Variants in PRUNE2 observed in about 807,000 individuals in gnomAD.
The protein encoded by PRUNE2 is protein prune homolog 2.
A neutral mutation model predicts 252.0 loss-of-function variants in PRUNE2; 164 were observed. The ratio of observed to expected loss-of-function variants is 0.65; its 90% CI spans 0.57 to 0.74. The LOEUF is 0.74. PRUNE2 is among the 30% of genes least tolerant of loss of function. The probability of loss-of-function intolerance (pLI) is 0.00; values close to 1 mark genes in which losing one functional copy is unlikely to be tolerated. For synonymous variants in PRUNE2, 1,292 were observed against 1,350.2 expected, an observed-to-expected ratio of 0.96 and a Z score of 0.94; for missense variants, 3,495 against 3,711.0, an observed-to-expected ratio of 0.94 and a Z score of 1.51.
intron 1 of PRUNE2, among the ~76,000 whole-genome samples, chr9:76,901,764 C>T (rs2063188027): frequency 1.3e-5 from 2 of 152,178 alleles, no homozygotes; most frequent in African/African-American, 4.8e-5. Context: ...CTGTAGAAGT[C>T]CACATATCAA....
At chr9:76,783,420 A>T (rs575733130) in intron 6 of PRUNE2, among the ~76,000 whole-genome samples, 1 of 152,152 alleles carries the variant, frequency 6.6e-6, no homozygotes, top group East Asian at 1.9e-4. Flanking sequence ...TACAGGTGTG[A>T]GCCACTGCTC....
intron 6 of PRUNE2, among the ~76,000 whole-genome samples, chr9:76,767,195 T>C (rs1564252808): frequency 6.6e-6 from 1 of 152,206 alleles, no homozygotes; most frequent in African/African-American, 2.4e-5. Flanking sequence ...GTCACGCCTG[T>C]AATCCCAGCA....
intron 1 of PRUNE2, among the ~76,000 whole-genome samples, chr9:76,871,932 T>TTAC (rs139618164): frequency 0.16 from 24,425 of 151,970 alleles, 5,856 homozygotes; most frequent in African/African-American, 0.53. Context: ...TCCAGCCTAG[T>TTAC]TACGACAATT....
At chr9:76,763,373 G>A (rs2051949535) in intron 6 of PRUNE2, among the ~76,000 whole-genome samples, 2 of 152,178 alleles carry the variant, frequency 1.3e-5, no homozygotes, top group African/African-American at 4.8e-5. Context: ...AATAGGCTTT[G>A]CAGTAAGTGT....
chr9:76,865,806 T>TAC (rs34661457), intron 1 of PRUNE2, among the ~76,000 whole-genome samples: 17,661 of 127,004 alleles, frequency 0.14, 1,149 homozygotes, highest in East Asian at 0.25. Flanking sequence ...TCTCTCTCCC[T>TAC]ACACACACAC....
At chr9:76,843,565 C>T (rs1361168064) in intron 4 of PRUNE2, among the ~76,000 whole-genome samples, 3 of 152,112 alleles carry the variant, frequency 2.0e-5, no homozygotes, top group Non-Finnish European at 4.4e-5. Context: ...AAAGAGAACC[C>T]TTTCTAAAGA....
At chr9:76,838,645 CAAAAAAA>C (rs10540002) in intron 4 of PRUNE2, among the ~76,000 whole-genome samples, 1 of 84,654 alleles carries the variant, frequency 1.2e-5, no homozygotes, top group Non-Finnish European at 2.4e-5. Flanking sequence ...AACTCTGTCT[CAAAAAAA>C]AAAAAAAAAA....
chr9:76,861,290 T>A (rs369705080), intron 1 of PRUNE2, among the ~76,000 whole-genome samples: 1 of 152,214 alleles, frequency 6.6e-6, no homozygotes, highest in African/African-American at 2.4e-5. Flanking sequence ...TTTTGAGAAC[T>A]CCTGACCTCC....
At position 76,705,929 on chromosome 9, in the gene PRUNE2, T is replaced by C. The variant is rs368117330; in HGVS notation, c.6345A>G (p.Gln2115=). Reference sequence around the variant, plus strand: ...AAGCACTGAGGTGCTTCTCAGTCTCTTGCTTTGCTTCAGAATCGTGACATA... The same window carrying C: ...AAGCACTGAGGTGCTTCTCAGTCTCCTGCTTTGCTTCAGAATCGTGACATA... ...PDICHDSEAK[Q]ETEKHLSACM... Residue 2115 remains glutamine, a synonymous_variant, in exon 8 of 19, where the codon CAA becomes CAG. Transcript: ENST00000376718. 3.1e-6 allele frequency: 5 copies of C among 1,613,914 alleles called. No individual in the cohort carries two copies. In the African/African-American group the frequency reaches 6.7e-5, roughly 22 times the overall value.
At chr9:76,727,396 A>T (rs1227515402) in intron 6 of PRUNE2, among the ~76,000 whole-genome samples, 5 of 152,226 alleles carry the variant, frequency 3.3e-5, no homozygotes, top group Admixed American at 3.3e-4. Flanking sequence ...GAGCATCTAC[A>T]TGAATACTTT....
intron 6 of PRUNE2, among the ~76,000 whole-genome samples, chr9:76,717,980 C>A (rs1399340308): frequency 6.6e-6 from 1 of 152,084 alleles, no homozygotes; most frequent in Non-Finnish European, 1.5e-5. Context: ...TTTGTTATTT[C>A]CTGGTCAAAA....
At position 76,889,333 on chromosome 9, in the gene PRUNE2, A is replaced by G. The variant is rs546802485; in HGVS notation, c.36+16595T>C. Among the ~76,000 whole-genome samples, 53 of 103,996 alleles carry G rather than the reference A, an allele frequency of 5.1e-4. 1 individual carries two copies. The highest frequency in any genetic ancestry group is 2.1e-3 in the African/African-American group (52 of 24,480). 68.2% of individuals were successfully genotyped at this position (103,996 alleles called of 152,430 possible). ...CCATGGCTCTCTGCATGGTGGCGTG[A>G]CTGCAGATTTTTTTTTTTGAGACAG... is the stretch of plus-strand genomic sequence containing the variant. On this transcript the variant is annotated intron_variant, in intron 1 of 18. Coordinates refer to ENST00000376718, the MANE Select transcript of PRUNE2 (RefSeq NM_015225.3).
Position 76,629,272 on chromosome 9 carries a change from T to G in PRUNE2, c.9069A>C (p.Lys3023Asn), listed in dbSNP as rs898619437. The G allele has an allele frequency of 4.3e-5, 67 of 1,576,346 alleles. No homozygotes were observed. The highest frequency in any genetic ancestry group is 5.7e-5 in the Non-Finnish European group (66 of 1,160,090). Residue 3023 changes from lysine (K) to asparagine (N), a missense_variant, in exon 16 of 19, where the codon AAA (lysine) becomes AAC (asparagine). By Grantham distance (94) the Lys-to-Asn change is moderately conservative (BLOSUM62 0). Coordinates refer to ENST00000376718, the MANE Select transcript of PRUNE2 (RefSeq NM_015225.3). Reference sequence around the variant, plus strand: ...CTGATAAGCTATTGACATATTTAATTTTACTGCTGAATTTTGAACTAAAAA... The same window carrying G: ...CTGATAAGCTATTGACATATTTAATGTTACTGCTGAATTTTGAACTAAAAA... ...RPFISSKFSS[K>N]IKYVNSLSEL...
intron 1 of PRUNE2, among the ~76,000 whole-genome samples, chr9:76,896,666 T>A (rs1470011139): frequency 6.6e-6 from 1 of 152,164 alleles, no homozygotes; most frequent in Non-Finnish European, 1.5e-5. Flanking sequence ...ATCAACAGTT[T>A]TCTGGGGCGC....
intron 9 of PRUNE2, among the ~76,000 whole-genome samples, chr9:76,697,116 A>G (rs564482242): frequency 1.3e-5 from 2 of 152,314 alleles, no homozygotes; most frequent in East Asian, 3.9e-4. Flanking sequence ...CTCAAATACC[A>G]GCAATTTTCA....
intron 2 of PRUNE2, among the ~76,000 whole-genome samples, chr9:76,851,314 A>G (rs112648893): frequency 0.087 from 13,211 of 152,152 alleles, 784 homozygotes; most frequent in African/African-American, 0.17. Context: ...TTGGGAGGCC[A>G]AGGCGGGCAG....
intron 6 of PRUNE2, among the ~76,000 whole-genome samples, chr9:76,728,773 A>G (rs77784261): frequency 0.012 from 1,754 of 152,326 alleles, 33 homozygotes; most frequent in East Asian, 0.082. Flanking sequence ...TTATCTCTGC[A>G]CCTTTAGGCA....
chr9:76,678,698 G>A (rs150895382), intron 9 of PRUNE2, among the ~76,000 whole-genome samples: 14,279 of 152,146 alleles, frequency 0.094, 860 homozygotes, highest in African/African-American at 0.17. Context: ...GCGTGGTGGC[G>A]GGCGCCTGTA....
chr9:76,816,830 C>G (rs947297672), intron 6 of PRUNE2, among the ~76,000 whole-genome samples: 1 of 152,068 alleles, frequency 6.6e-6, no homozygotes, highest in Non-Finnish European at 1.5e-5. Flanking sequence ...ACCAGAACAC[C>G]CACATCCTTG....
Sources: gnomAD v4.1 joint callset for allele counts (sites outside exome capture counted in the v4.1 genomes callset) on GRCh38, gnomAD v4.1.1 for gene constraint, MANE v1.5 for transcripts, NCBI Gene and HGNC (gene_info 2026-07-23, HGNC 2026-07-21) for gene names.